AKAP13: variants seen among roughly 807,000 people sequenced by gnomAD.
AKAP13 encodes A-kinase anchoring protein 13.
In AKAP13, 80 loss-of-function variants were observed where a neutral mutation model predicts 264.5. The ratio of observed to expected loss-of-function variants is 0.30; its 90% confidence interval spans 0.25 to 0.36. The LOEUF is 0.36. Ranked by LOEUF, AKAP13 falls within the 10% of genes least tolerant of loss-of-function variation. AKAP13 has a pLI of 1.00. For synonymous variants in AKAP13, 1,380 were observed against 1,250.2 expected (o/e 1.10, Z -2.19); for missense variants, 3,712 against 3,435.2 (o/e 1.08, Z -2.01).
chr15:85,576,488 G>A (rs375938115), intron 6 of AKAP13, among the ~76,000 whole-genome samples: 2 of 152,090 alleles, frequency 1.3e-5, no homozygotes, highest in Non-Finnish European at 2.9e-5. Context: ...CATTTATTAC[G>A]AATAACATAA....
At chr15:85,564,930 C>T (rs777868904) in intron 5 of AKAP13, among the ~76,000 whole-genome samples, 1 of 152,106 alleles carries the variant, frequency 6.6e-6, no homozygotes, top group Non-Finnish European at 1.5e-5. Context: ...TTCAGCAAGT[C>T]TTGCTGAGCT....
At chr15:85,508,095 C>T (rs963869805) in intron 2 of AKAP13, among the ~76,000 whole-genome samples, 1 of 151,754 alleles carries the variant, frequency 6.6e-6, no homozygotes, top group Non-Finnish European at 1.5e-5. Context: ...GGAATGAGCC[C>T]TGAGTAATAT....
At chr15:85,466,352 G>C (rs992220994) in intron 1 of AKAP13, among the ~76,000 whole-genome samples, 2 of 152,054 alleles carry the variant, frequency 1.3e-5, no homozygotes, top group African/African-American at 4.8e-5. Context: ...AAGCTCTTTA[G>C]TTTAATTAGA....
At chr15:85,396,102 G>A (rs2071099280) in intron 1 of AKAP13, among the ~76,000 whole-genome samples, 1 of 151,924 alleles carries the variant, frequency 6.6e-6, no homozygotes, top group Non-Finnish European at 1.5e-5. Flanking sequence ...CTATCCTGTT[G>A]CGAATAAATG....
At chr15:85,709,538 T>C (rs1567206988) in intron 18 of AKAP13, among the ~76,000 whole-genome samples, 1 of 150,862 alleles carries the variant, frequency 6.6e-6, no homozygotes, top group Non-Finnish European at 1.5e-5. Context: ...GCCGGCACCA[T>C]AGTCATTTGA....
intron 1 of AKAP13, among the ~76,000 whole-genome samples, chr15:85,484,872 A>G: frequency 6.6e-6 from 1 of 152,162 alleles, no homozygotes; most frequent in East Asian, 1.9e-4. Flanking sequence ...TTTGCTGGTT[A>G]GTATGTGCCT....
chr15:85,596,836 G>A (rs1323269611), intron 8 of AKAP13, among the ~76,000 whole-genome samples: 2 of 152,142 alleles, frequency 1.3e-5, no homozygotes, highest in Non-Finnish European at 2.9e-5. Flanking sequence ...TGTGAGATAC[G>A]TGTGTATGTG....
Position 85,582,011 on chromosome 15 carries a change from C to G in AKAP13, c.3943C>G (p.Pro1315Ala). 1 of 1,614,084 alleles carries G rather than the reference C, an allele frequency of 6.2e-7. No homozygotes were observed. Among genetic ancestry groups the G allele is most frequent in the Non-Finnish European group, 8.5e-7 (1 of 1,180,004 alleles). ...PGESLPMGST[P>A]EEATGSLAGC... ...GGAGAGCCTACCAATGGGCAGTACT[C>G]CTGAGGAAGCCACGGGGAGCCTTGC... Residue 1315 changes from proline (P) to alanine (A), a missense_variant, in exon 7 of 37, where the codon CCT becomes GCT. This residue lies in a region of AKAP13 where 2,759 missense variants were observed against 2,411.7 expected (regional missense o/e 1.14). Coordinates refer to ENST00000394518, the MANE Select transcript of AKAP13 (RefSeq NM_007200.5).
chr15:85,525,838 G>A (rs559855550), intron 3 of AKAP13, among the ~76,000 whole-genome samples: 3 of 152,206 alleles, frequency 2.0e-5, no homozygotes, highest in African/African-American at 7.2e-5. Context: ...GTTTTATTGT[G>A]TTCATTTTTA....
chr15:85,420,100 C>T lies in AKAP13; in HGVS notation c.-12+39302C>T, dbSNP rs1229203089. On this transcript the variant is annotated intron_variant, in intron 1 of 36. Transcript: ENST00000394518. ...GGGACTACAGGCGCCCGCCACTACG[C>T]CCGGCTAATTTTTTGTATTTTTAGT... Among the ~76,000 whole-genome samples, 21 of 151,914 alleles carry T rather than the reference C, an allele frequency of 1.4e-4. 1 individual carries two copies. The highest frequency in any genetic ancestry group is 4.8e-5 in the African/African-American group (2 of 41,406).
At position 85,727,656 on chromosome 15, in the gene AKAP13, T is replaced by G. The variant is rs548589773; in HGVS notation, c.7087+193T>G. ...GGCTGACATGGGTCCTCGTAAAGAA[T>G]GGCTGCAAGGATGTTTCCAGTACTG... On this transcript the variant is annotated intron_variant, in intron 29 of 36. Coordinates refer to ENST00000394518, the MANE Select transcript of AKAP13 (RefSeq NM_007200.5). The surrounding 1 kb of genome is among the most constrained non-coding windows in gnomAD (Gnocchi z 5.3). Among the ~76,000 whole-genome samples the G allele has an allele frequency of 6.6e-6, 1 of 152,298 alleles. No homozygotes were observed. The highest frequency in any genetic ancestry group is 1.5e-5 in the Non-Finnish European group (1 of 68,026).
At chr15:85,499,076 A>G (rs914139485) in intron 2 of AKAP13, among the ~76,000 whole-genome samples, 4 of 152,190 alleles carry the variant, frequency 2.6e-5, no homozygotes, top group Non-Finnish European at 5.9e-5. Flanking sequence ...GTAAAGATGC[A>G]TGGGAAAGTG....
At chr15:85,433,248 C>T (rs967887975) in intron 1 of AKAP13, among the ~76,000 whole-genome samples, 2 of 151,310 alleles carry the variant, frequency 1.3e-5, no homozygotes, top group Admixed American at 1.3e-4. Flanking sequence ...ACAACTTTTC[C>T]TCTCAATTCC....
intron 8 of AKAP13, among the ~76,000 whole-genome samples, chr15:85,631,817 G>A (rs2081842026): frequency 6.6e-6 from 1 of 152,012 alleles, no homozygotes; most frequent in Non-Finnish European, 1.5e-5. Context: ...ACTATTTTTT[G>A]TATCAGCCTG....
intron 17 of AKAP13, among the ~76,000 whole-genome samples, chr15:85,700,183 A>G (rs767550526): frequency 2.6e-5 from 4 of 152,238 alleles, no homozygotes; most frequent in African/African-American, 2.4e-5. Flanking sequence ...ACATTAGACT[A>G]TCACTCAGAA....
intron 1 of AKAP13, among the ~76,000 whole-genome samples, chr15:85,391,473 A>ATTCTT (rs745816684): frequency 6.7e-6 from 1 of 149,202 alleles, no homozygotes; most frequent in African/African-American, 2.5e-5. Flanking sequence ...ATTTGTCTTT[A>ATTCTT]TTCTTTTCTT....
chr15:85,602,756 G>A (rs1263557478), intron 8 of AKAP13, among the ~76,000 whole-genome samples: 1 of 152,186 alleles, frequency 6.6e-6, no homozygotes, highest in Non-Finnish European at 1.5e-5. Context: ...CCAAAGTGCT[G>A]GGATTACAGG....
chr15:85,393,473 T>G (rs901119619), intron 1 of AKAP13, among the ~76,000 whole-genome samples: 2 of 152,216 alleles, frequency 1.3e-5, no homozygotes, highest in African/African-American at 4.8e-5. Context: ...CCTGCCAAAA[T>G]AGTGCTGTGT....
chr15:85,551,390 TGAAGGTG>T (rs2077958637), intron 5 of AKAP13, among the ~76,000 whole-genome samples: 1 of 152,234 alleles, frequency 6.6e-6, no homozygotes, highest in Non-Finnish European at 1.5e-5. Flanking sequence ...CCCAGCCCTT[TGAAGGTG>T]GGCGTTTTAT....
Sources: gnomAD v4.1 joint callset for allele counts (sites outside exome capture counted in the v4.1 genomes callset) on GRCh38, gnomAD v4.1.1 for gene constraint, gnomAD v4.1.1 regional missense constraint, Gnocchi (gnomAD v3.1) non-coding constraint, MANE v1.5 for transcripts, NCBI Gene and HGNC (gene_info 2026-07-23, HGNC 2026-07-21) for gene names.